Variants in KNTC1 observed in about 807,000 individuals in gnomAD.
KNTC1 encodes the protein kinetochore-associated protein 1.
In KNTC1, 253 loss-of-function variants were observed where a neutral mutation model predicts 314.4. The observed-to-expected ratio is 0.80, with a 90% confidence interval of 0.73 to 0.89. The LOEUF (loss-of-function observed/expected upper bound fraction) is 0.89, where lower values mean the gene tolerates loss of function less well. Among genes scored for constraint, KNTC1 ranks in the 40% least tolerant of loss-of-function variants. KNTC1 has a pLI of 0.00. For synonymous variants in KNTC1, 901 were observed against 901.4 expected, an observed-to-expected ratio of 1.00 and a Z score of 0.01; for missense variants, 2,475 against 2,572.9, an observed-to-expected ratio of 0.96 and a Z score of 0.82.
chr12:122,563,540 G>A (rs1432477969), intron 20 of KNTC1, among the ~76,000 whole-genome samples: 1 of 151,912 alleles, frequency 6.6e-6, no homozygotes, highest in Non-Finnish European at 1.5e-5. Flanking sequence ...ATTCTCTGTG[G>A]GCTCAAGCAG....
At chr12:122,570,754 A>C in intron 22 of KNTC1, 122 bp from the exon 23 acceptor site, 10 of 697,680 alleles carry the variant, frequency 1.4e-5, no homozygotes, top group Non-Finnish European at 2.2e-5. Flanking sequence ...AAAAAAGACA[A>C]TCGTGGATAA....
chr12:122,613,286 G>A lies in KNTC1; in HGVS notation c.5741+56G>A, dbSNP rs78075752. 1.3e-4 allele frequency: 160 copies of A among 1,194,330 alleles called. No individual in the cohort carries two copies. In the African/African-American group the frequency reaches 2.1e-3, roughly 15 times the overall value. 74.0% of individuals were successfully genotyped at this position (1,194,330 alleles called of 1,614,324 possible). A position where few individuals can be genotyped will look rare whatever the true frequency, so the allele number is the denominator to read the frequency against. On this transcript the variant is annotated intron_variant, in intron 54 of 63. Coordinates refer to ENST00000333479, the MANE Select transcript of KNTC1 (RefSeq NM_014708.6). ...AATAGGAAACAGATCATTTTTTGGAGCTGTACCTTTTAAGCCCTGAATTCA... is the reference window on the plus strand; with the variant it reads ...AATAGGAAACAGATCATTTTTTGGAACTGTACCTTTTAAGCCCTGAATTCA...
rs548565489 is a variant in KNTC1 at position 122,584,016 on chromosome 12, T to G, written c.3264-262T>G. ...GGCACACACCTGTAGTCTCAGCTAC[T>G]TGGGAGGCTGAAGTGAGAAGATTGC... is the stretch of plus-strand genomic sequence containing the variant. On this transcript the variant is annotated intron_variant, in intron 34 of 63. Coordinates refer to ENST00000333479, the MANE Select transcript of KNTC1 (RefSeq NM_014708.6). Among the ~76,000 whole-genome samples, 193 of 152,162 alleles carry G rather than the reference T, an allele frequency of 1.3e-3. 1 individual carries two copies. The highest frequency in any genetic ancestry group is 4.3e-3 in the African/African-American group (178 of 41,522).
chr12:122,547,449 C>T lies in KNTC1; in HGVS notation c.851C>T (p.Thr284Ile). ...AGTTTATGGGATATTTACACTCTAACTCCTGTATGGAACTGGCCCTCTCTT... is the reference window on the plus strand; with the variant it reads ...AGTTTATGGGATATTTACACTCTAATTCCTGTATGGAACTGGCCCTCTCTT... ...VLSLWDIYTL[T>I]PVWNWPSLHV... The change falls in exon 11 of 64, where the codon ACT (threonine) becomes ATT (isoleucine). Residue 284 changes from threonine to isoleucine, a missense_variant. Coordinates refer to ENST00000333479, the MANE Select transcript of KNTC1 (RefSeq NM_014708.6). 6.2e-7 allele frequency: 1 copy of T among 1,612,568 alleles called. No homozygotes were observed. The highest frequency in any genetic ancestry group is 8.5e-7 in the Non-Finnish European group (1 of 1,178,750).
chr12:122,579,921 T>C lies in KNTC1; in HGVS notation c.2858T>C (p.Met953Thr), dbSNP rs1965291811. The C allele has an allele frequency of 6.2e-7, 1 of 1,610,330 alleles. No individual in the cohort carries two copies. Among genetic ancestry groups the C allele is most frequent in the African/African-American group, 1.3e-5 (1 of 75,004 alleles). The change falls in exon 32 of 64, where the codon ATG (methionine) becomes ACG (threonine). Residue 953 changes from methionine (M) to threonine (T), a missense_variant. Met to Thr is a moderately conservative substitution (Grantham distance 81, BLOSUM62 -1). Coordinates refer to ENST00000333479, the MANE Select transcript of KNTC1 (RefSeq NM_014708.6). ...TATTTTTAGGGCAAGGCCTGGAGAATGTCTGTAGCGAAGACATCCGTGGAC... is the reference window on the plus strand; with the variant it reads ...TATTTTTAGGGCAAGGCCTGGAGAACGTCTGTAGCGAAGACATCCGTGGAC... Reference protein sequence around the residue: ...DHSKEGKAWRMSVAKTSVDIL... With the variant: ...DHSKEGKAWRTSVAKTSVDIL...
intron 16 of KNTC1, among the ~76,000 whole-genome samples, chr12:122,551,905 CT>C (rs925690761): frequency 4.0e-5 from 6 of 148,490 alleles, no homozygotes; most frequent in Non-Finnish European, 7.5e-5. Context: ...CAGGTCAGGT[CT>C]TTTTTTTTTC....
rs749060169 is a variant in KNTC1, at chr12:122,571,102, A to C, written c.1995A>C (p.Ala665=). 6.2e-7 allele frequency: 1 copy of C among 1,613,392 alleles called. No individual in the cohort carries two copies. Among genetic ancestry groups the C allele is most frequent in the South Asian group, 1.1e-5 (1 of 91,068 alleles). Residue 665 remains alanine (A), a synonymous_variant, in exon 24 of 64, where the codon GCA becomes GCC. Transcript: ENST00000333479. ...AAAAAACAGACGAGTTGGGATTGGC[A>C]TCTTCCTGGCATTGGATTTCCTTGG... ...TAEKTDELGL[A]SSWHWISLKD...
chr12:122,531,045 ATTC>A (rs1961271806), intron 2 of KNTC1, among the ~76,000 whole-genome samples: 1 of 149,982 alleles, frequency 6.7e-6, no homozygotes, highest in South Asian at 2.1e-4. Context: ...CTGGTATTTA[ATTC>A]TTTTTTTTTT....
At position 122,551,533 on chromosome 12, in the gene KNTC1, C is replaced by T. The variant is rs1264450699; in HGVS notation, c.1196+10C>T. ...CTTTACCAGAAAACAGGTAACTTCT[C>T]ATTTTTTTTTAAGCTTTATCCTTTA... is the stretch of plus-strand genomic sequence containing the variant. On this transcript the variant is annotated intron_variant, in intron 15 of 63. Coordinates refer to ENST00000333479, the MANE Select transcript of KNTC1 (RefSeq NM_014708.6). 3 of 1,605,874 alleles carry T rather than the reference C, an allele frequency of 1.9e-6. No individual in the cohort carries two copies. Among genetic ancestry groups the T allele is most frequent in the Non-Finnish European group, 2.6e-6 (3 of 1,174,144 alleles).
intron 53 of KNTC1, 108 bp downstream of exon 53, chr12:122,611,008 T>G: frequency 1.3e-6 from 1 of 773,100 alleles, no homozygotes; most frequent in Non-Finnish European, 2.2e-6. Context: ...CAGATAATGC[T>G]CACGTACATA....
chr12:122,622,828 A>C (rs1874584656), intron 62 of KNTC1, among the ~76,000 whole-genome samples: 1 of 151,978 alleles, frequency 6.6e-6, no homozygotes. Flanking sequence ...CATACCTGTA[A>C]TCCCAGCTAC....
At chr12:122,572,308 T>A (rs1964739226) in intron 24 of KNTC1, among the ~76,000 whole-genome samples, 1 of 151,908 alleles carries the variant, frequency 6.6e-6, no homozygotes, top group South Asian at 2.1e-4. Context: ...GGCAGGAGAA[T>A]CGCTTGAAAC....
intron 59 of KNTC1, chr12:122,620,211 G>A (rs1362502825): frequency 1.1e-5 from 2 of 183,500 alleles, no homozygotes; most frequent in Non-Finnish European, 2.2e-5. Flanking sequence ...TGAGAATTTA[G>A]AAGCCTATCT....
chr12:122,556,484 CTT>C (rs371272876), intron 16 of KNTC1, among the ~76,000 whole-genome samples: 6 of 112,786 alleles, frequency 5.3e-5, no homozygotes, highest in South Asian at 2.9e-4. Context: ...CTACTCTCTA[CTT>C]TTTTTTTTTT....
rs141521919 is a variant in KNTC1 at position 122,591,922 on chromosome 12, G to A, written c.4245+469G>A. 8.5e-3 allele frequency among the ~76,000 whole-genome samples: 1,301 copies of A among 152,348 alleles called. 17 individuals are homozygous for A. Among genetic ancestry groups the A allele is most frequent in the African/African-American group, 0.03 (1,258 of 41,588 alleles). ...CCTCTGCCTGGGCTCCCACTTTGGC[G>A]GCACTTGAGGAGCCCTTCGGCCTGC... On this transcript the variant is annotated intron_variant, in intron 42 of 63. Transcript: ENST00000333479.
At chr12:122,549,927 C>G in intron 13 of KNTC1, 63 bp downstream of exon 13, 1 of 869,982 alleles carries the variant, frequency 1.1e-6, no homozygotes, top group South Asian at 1.5e-5. Flanking sequence ...GGTATCTAAT[C>G]AGGGATGATT....
chr12:122,604,786 G>T (rs1337436401), intron 49 of KNTC1, 91 bp from the exon 50 acceptor site: 2 of 1,321,980 alleles, frequency 1.5e-6, no homozygotes, highest in East Asian at 2.5e-5. Context: ...CTGAGGAAGG[G>T]GGGAGGGATT....
intron 27 of KNTC1, among the ~76,000 whole-genome samples, chr12:122,574,828 C>T (rs1490487538): frequency 6.6e-6 from 1 of 152,222 alleles, no homozygotes; most frequent in Non-Finnish European, 1.5e-5. Context: ...TGTGGTTATG[C>T]AAACATGGAG....
Position 122,608,815 on chromosome 12 carries a change from T to C in KNTC1, c.5497-569T>C, listed in dbSNP as rs573846405. On this transcript the variant is annotated intron_variant, in intron 51 of 63. Coordinates refer to ENST00000333479, the MANE Select transcript of KNTC1 (RefSeq NM_014708.6). ...GCTCATGACTGTAATCTCAGCACTT[T>C]GGGAGGCTGAGGTGGGAGGATTGTT... Among the ~76,000 whole-genome samples the C allele has an allele frequency of 4.0e-4, 61 of 152,242 alleles. 1 individual carries two copies. In the South Asian group the frequency reaches 0.012, roughly 30 times the overall value.
Sources: allele counts gnomAD v4.1 joint callset (sites outside exome capture counted in the v4.1 genomes callset), GRCh38; gene constraint gnomAD v4.1.1; transcripts MANE v1.5; gene names NCBI Gene and HGNC (gene_info 2026-07-23, HGNC 2026-07-21).